The following KIAA1328 variants were observed in gnomAD, a reference collection of about 807,000 sequenced individuals.
KIAA1328 encodes the protein KIAA1328.
Under a neutral mutation model 68.1 loss-of-function variants are expected in KIAA1328, and 52 were observed. The ratio of observed to expected loss-of-function variants is 0.76; its 90% CI spans 0.61 to 0.96. The LOEUF (loss-of-function observed/expected upper bound fraction) is 0.96, where lower values mean the gene tolerates loss of function less well. KIAA1328 is among the 40% of genes least tolerant of loss of function. The pLI, the probability that KIAA1328 is intolerant of heterozygous loss-of-function variation, is 0.00. For missense variants in KIAA1328, 641 were observed against 677.6 expected, an observed-to-expected ratio of 0.95 and a Z score of 0.60; for synonymous variants, 232 against 239.4, an observed-to-expected ratio of 0.97 and a Z score of 0.28.
At chr18:37,057,832 A>G (rs993591995) in intron 6 of KIAA1328, among the ~76,000 whole-genome samples, 8 of 152,150 alleles carry the variant, frequency 5.3e-5, no homozygotes, top group African/African-American at 1.4e-4. Context: ...TTGCACTACA[A>G]AAGCAGAGCT....
At chr18:36,993,816 G>C (rs1004608539) in intron 6 of KIAA1328, among the ~76,000 whole-genome samples, 2 of 152,064 alleles carry the variant, frequency 1.3e-5, no homozygotes, top group Admixed American at 6.5e-5. Context: ...ATTAAAGTCA[G>C]AAATGGAGAA....
chr18:36,911,159 T>A (rs1296972574), intron 5 of KIAA1328, among the ~76,000 whole-genome samples: 1 of 152,158 alleles, frequency 6.6e-6, no homozygotes, highest in Non-Finnish European at 1.5e-5. Flanking sequence ...CCAAAAGCCC[T>A]CTTAGTTTTA....
In KIAA1328 at chr18:37,142,027, T is replaced by G. The variant is rs569042527; in HGVS notation, c.1233-18173T>G. ...CTTGTTATGTCTTTAATGGTGTTTT[T>G]GAAGAGCAGGAATTTTTAATATTGA... On this transcript the variant is annotated intron_variant, in intron 7 of 9. Transcript: ENST00000280020. Among the ~76,000 whole-genome samples, 11 of 152,322 alleles carry G rather than the reference T, an allele frequency of 7.2e-5. No homozygotes were observed. The South Asian group carries it at 1.2e-3, about 17-fold the overall frequency.
intron 7 of KIAA1328, among the ~76,000 whole-genome samples, chr18:37,104,621 A>G (rs970281107): frequency 6.6e-6 from 1 of 152,188 alleles, no homozygotes; most frequent in Admixed American, 6.5e-5. Context: ...AATAATTTAT[A>G]TTTCAAAATA....
intron 7 of KIAA1328, chr18:37,084,076 G>A: frequency 9.0e-7 from 1 of 1,115,020 alleles, no homozygotes; most frequent in Non-Finnish European, 1.2e-6. Context: ...TTATCATTCA[G>A]GTTATCAGGC....
At chr18:36,965,351 G>C (rs1251311465) in intron 6 of KIAA1328, among the ~76,000 whole-genome samples, 2 of 151,710 alleles carry the variant, frequency 1.3e-5, no homozygotes, top group East Asian at 3.9e-4. Flanking sequence ...ATGTACTAAA[G>C]ATGGGTCATT....
chr18:36,937,742 C>T (rs1345444423), intron 5 of KIAA1328, among the ~76,000 whole-genome samples: 2 of 152,086 alleles, frequency 1.3e-5, no homozygotes, highest in African/African-American at 4.8e-5. Flanking sequence ...ACATTTATAT[C>T]CTTTTTTTCC....
chr18:37,225,195 C>T lies in KIAA1328; in HGVS notation c.*2968C>T, dbSNP rs2060625361. On this transcript the variant is annotated 3_prime_UTR_variant, in exon 10 of 10. Transcript: ENST00000280020. ...ATGGGGCAGAGCTGGACGAAGTCTG[C>T]TAAGAGAGATGGAGGCTGTGGCGGA... 4.1e-6 allele frequency: 4 copies of T among 985,368 alleles called. No individual in the cohort carries two copies. Among genetic ancestry groups the T allele is most frequent in the Non-Finnish European group, 4.8e-6 (4 of 829,976 alleles). The allele number at this position is 985,368 out of a possible 1,614,324, so 61.0% of individuals were successfully genotyped here. A position where few individuals can be genotyped will look rare whatever the true frequency, so the allele number is the denominator to read the frequency against.
At chr18:36,837,875 C>A (rs1346796314) in intron 3 of KIAA1328, among the ~76,000 whole-genome samples, 1 of 152,076 alleles carries the variant, frequency 6.6e-6, no homozygotes. Context: ...GCACCCTTGT[C>A]AAATATCTGT....
intron 4 of KIAA1328, among the ~76,000 whole-genome samples, chr18:36,847,592 T>A (rs1206122303): frequency 6.6e-6 from 1 of 151,622 alleles, no homozygotes; most frequent in Non-Finnish European, 1.5e-5. Context: ...CCCCTTTTTT[T>A]ACCCATCACA....
chr18:37,148,329 AGTATTCCATG>A (rs1424149519), intron 7 of KIAA1328, among the ~76,000 whole-genome samples: 2 of 152,204 alleles, frequency 1.3e-5, no homozygotes, highest in African/African-American at 4.8e-5. Flanking sequence ...ATGACTGCAT[AGTATTCCATG>A]GTGTATATGT....
chr18:37,224,732 T>C lies in KIAA1328; in HGVS notation c.*2505T>C. The C allele has an allele frequency of 1.5e-5, 15 of 985,356 alleles. No homozygotes were observed. The highest frequency in any genetic ancestry group is 1.8e-5 in the Non-Finnish European group (15 of 829,932). 61.0% of individuals were successfully genotyped at this position (985,356 alleles called of 1,614,324 possible). A position where few individuals can be genotyped will look rare whatever the true frequency, so the allele number is the denominator to read the frequency against. On this transcript the variant is annotated 3_prime_UTR_variant, in exon 10 of 10. Coordinates refer to ENST00000280020, the MANE Select transcript of KIAA1328 (RefSeq NM_020776.3). ...TCTCAAGTCTCCCACCCTTGACTGG[T>C]TGGGATTTGCTCGTCCAGCCTCTAG...
rs557048826 is a variant in KIAA1328 at position 36,928,784 on chromosome 18, A to G, written c.449-30524A>G. On this transcript the variant is annotated intron_variant, in intron 5 of 9. Transcript: ENST00000280020. ...TTGGTCTGTGTTGTTGTGTTTCACT[A>G]ATTTTGTAAAGTTAATAACCATTAT... is the stretch of plus-strand genomic sequence containing the variant. Among the ~76,000 whole-genome samples the G allele has an allele frequency of 2.0e-5, 3 of 152,250 alleles. No homozygotes were observed. The East Asian group carries it at 5.8e-4, about 29-fold the overall frequency.
At chr18:36,982,741 A>G (rs1175064483) in intron 6 of KIAA1328, among the ~76,000 whole-genome samples, 2 of 152,016 alleles carry the variant, frequency 1.3e-5, no homozygotes, top group East Asian at 3.8e-4. Flanking sequence ...AATATTTTTT[A>G]TTATATAAGT....
At chr18:37,183,399 G>A (rs892497967) in intron 9 of KIAA1328, among the ~76,000 whole-genome samples, 2 of 151,998 alleles carry the variant, frequency 1.3e-5, no homozygotes, top group African/African-American at 4.8e-5. Flanking sequence ...CCCATGATGG[G>A]CCCCAGTGAT....
At chr18:37,003,136 T>C (rs766552298) in intron 6 of KIAA1328, among the ~76,000 whole-genome samples, 1 of 152,112 alleles carries the variant, frequency 6.6e-6, no homozygotes, top group Non-Finnish European at 1.5e-5. Flanking sequence ...ATTGTATTAC[T>C]GCATGCAGAA....
chr18:36,834,126 AC>A (rs1169873321), intron 1 of KIAA1328, 193 bp from the exon 2 acceptor site: 27 of 876,424 alleles, frequency 3.1e-5, no homozygotes, highest in Non-Finnish European at 4.0e-5. Context: ...TAATTTTGCT[AC>A]ATTTAATTCA....
intron 6 of KIAA1328, among the ~76,000 whole-genome samples, chr18:37,032,369 G>C (rs1179872133): frequency 1.3e-5 from 2 of 151,678 alleles, no homozygotes; most frequent in African/African-American, 4.8e-5. Flanking sequence ...ATTTTAAATA[G>C]ATATGAAAAA....
intron 9 of KIAA1328, among the ~76,000 whole-genome samples, chr18:37,184,779 C>T (rs900711053): frequency 8.5e-5 from 13 of 152,116 alleles, no homozygotes; most frequent in African/African-American, 2.9e-4. Flanking sequence ...GTAATTTACA[C>T]ATTTGGAGAA....
Sources: allele counts gnomAD v4.1 joint callset (sites outside exome capture counted in the v4.1 genomes callset), GRCh38; gene constraint gnomAD v4.1.1; transcripts MANE v1.5; gene names NCBI Gene and HGNC (gene_info 2026-07-23, HGNC 2026-07-21).